SHANK2: variants seen among roughly 807,000 people sequenced by gnomAD.
SHANK2 encodes SH3 and multiple ankyrin repeat domains 2.
A neutral mutation model predicts 133.7 loss-of-function variants in SHANK2; 43 were observed. The observed-to-expected ratio is 0.32, with a 90% CI of 0.25 to 0.41. SHANK2 has a LOEUF of 0.41. Among genes scored for constraint, SHANK2 ranks in the 10% least tolerant of loss-of-function variants. The pLI is 1.00. For synonymous variants in SHANK2, 1,017 were observed against 952.8 expected, an observed-to-expected ratio of 1.07 and a Z score of -1.24; for missense variants, 1,994 against 2,235.8, an observed-to-expected ratio of 0.89 and a Z score of 2.18.
At chr11:70,585,283 C>G (rs1591612695) in intron 17 of SHANK2, among the ~76,000 whole-genome samples, 1 of 152,182 alleles carries the variant, frequency 6.6e-6, no homozygotes, top group African/African-American at 2.4e-5. Flanking sequence ...CAGGGATGAC[C>G]AGTAGAGCCA....
chr11:70,692,287 C>T (rs1483787148), intron 15 of SHANK2, among the ~76,000 whole-genome samples: 1 of 152,220 alleles, frequency 6.6e-6, no homozygotes, highest in Admixed American at 6.5e-5. Context: ...ACACACACTG[C>T]TCACAACTCA....
chr11:71,124,892 C>T (rs1227683056), intron 3 of SHANK2, among the ~76,000 whole-genome samples: 10 of 152,178 alleles, frequency 6.6e-5, no homozygotes, highest in Non-Finnish European at 8.8e-5. Context: ...CAACAGCACA[C>T]GCTCACTTCA....
chr11:71,174,756 G>T (rs2135522481), intron 2 of SHANK2: 1 of 152,382 alleles, frequency 6.6e-6, no homozygotes, highest in East Asian at 1.9e-4. Flanking sequence ...GGGAGGCTGA[G>T]GCAGGAGAAT....
At chr11:71,104,027 G>A (rs1374857404) in intron 6 of SHANK2, among the ~76,000 whole-genome samples, 2 of 151,914 alleles carry the variant, frequency 1.3e-5, no homozygotes, top group Non-Finnish European at 2.9e-5. Context: ...AGAAGCAGAT[G>A]CCACCAGCTT....
intron 17 of SHANK2, among the ~76,000 whole-genome samples, chr11:70,637,491 T>G (rs80344798): frequency 0.042 from 6,442 of 152,056 alleles, 197 homozygotes; most frequent in South Asian, 0.072. Context: ...AGAATCCAGG[T>G]GCCCACAGAG....
At chr11:70,762,087 C>A (rs1404730760) in intron 14 of SHANK2, among the ~76,000 whole-genome samples, 2 of 152,190 alleles carry the variant, frequency 1.3e-5, no homozygotes, top group Admixed American at 6.5e-5. Flanking sequence ...ATTCAGAGAA[C>A]CCCTGACTTC....
intron 17 of SHANK2, among the ~76,000 whole-genome samples, chr11:70,572,099 C>T (rs2060052536): frequency 6.6e-6 from 1 of 152,224 alleles, no homozygotes; most frequent in Non-Finnish European, 1.5e-5. Context: ...AGGCCCTCGC[C>T]AGAATCCGGC....
chr11:71,192,183 A>G (rs926408222), intron 2 of SHANK2, among the ~76,000 whole-genome samples: 3 of 152,174 alleles, frequency 2.0e-5, no homozygotes, highest in African/African-American at 7.2e-5. Flanking sequence ...TCTTATCAGG[A>G]CACCAGTCCT....
chr11:70,702,468 A>G (rs1244601184), intron 14 of SHANK2, among the ~76,000 whole-genome samples: 1 of 151,774 alleles, frequency 6.6e-6, no homozygotes, highest in Non-Finnish European at 1.5e-5. Flanking sequence ...CACTATCATC[A>G]CCACTAATCA....
chr11:70,663,410 A>G (rs1944615726), intron 15 of SHANK2, among the ~76,000 whole-genome samples: 1 of 152,094 alleles, frequency 6.6e-6, no homozygotes, highest in South Asian at 2.1e-4. Context: ...CGGCCCCTCG[A>G]TCCTCCCATT....
At chr11:70,751,256 C>G (rs181921878) in intron 14 of SHANK2, among the ~76,000 whole-genome samples, 2 of 151,928 alleles carry the variant, frequency 1.3e-5, no homozygotes, top group African/African-American at 4.8e-5. Flanking sequence ...AGACTAAAAA[C>G]GAAAAAATAT....
intron 2 of SHANK2, among the ~76,000 whole-genome samples, chr11:71,164,793 C>T (rs1282618441): frequency 6.6e-6 from 1 of 152,294 alleles, no homozygotes; most frequent in East Asian, 1.9e-4. Context: ...ACGCCGGCCT[C>T]AGGCATCTAT....
chr11:71,081,755 G>C (rs2136005134), intron 8 of SHANK2, among the ~76,000 whole-genome samples: 1 of 152,310 alleles, frequency 6.6e-6, no homozygotes, highest in South Asian at 2.1e-4. Context: ...ATATGGAACT[G>C]ACCTCCCAGG....
At chr11:71,120,420 C>T (rs1211262691) in intron 3 of SHANK2, among the ~76,000 whole-genome samples, 1 of 152,140 alleles carries the variant, frequency 6.6e-6, no homozygotes, top group Non-Finnish European at 1.5e-5. Context: ...TGGGTTTGTG[C>T]CCAAGAAAGC....
chr11:70,504,872 T>C lies in SHANK2; in HGVS notation c.2062-1941A>G, dbSNP rs568981952. Among the ~76,000 whole-genome samples, 8 of 152,114 alleles carry C rather than the reference T, an allele frequency of 5.3e-5. No homozygotes were observed. In the South Asian group the frequency reaches 1.7e-3, roughly 32 times the overall value. On this transcript the variant is annotated intron_variant, in intron 17 of 25. Transcript: ENST00000601538. Reference sequence around the variant, plus strand: ...CAGGCAACCGAACACCAGCCACGCGTTATCGGGTTCTCTCCCCTCCCATGA... The same window carrying C: ...CAGGCAACCGAACACCAGCCACGCGCTATCGGGTTCTCTCCCCTCCCATGA...
chr11:70,504,468 A>G (rs1290018066), intron 17 of SHANK2, among the ~76,000 whole-genome samples: 1 of 141,616 alleles, frequency 7.1e-6, no homozygotes. Flanking sequence ...CAGTGGGGCC[A>G]GGGCAGTCCC....
intron 11 of SHANK2, among the ~76,000 whole-genome samples, chr11:70,827,405 AAGAAG>A (rs1430177576): frequency 2.3e-5 from 3 of 128,534 alleles, no homozygotes; most frequent in Non-Finnish European, 4.9e-5. Flanking sequence ...AACCCAACAG[AAGAAG>A]AGAAAAGAGG....
At chr11:70,575,917 C>T (rs2060110088) in intron 17 of SHANK2, among the ~76,000 whole-genome samples, 1 of 151,954 alleles carries the variant, frequency 6.6e-6, no homozygotes, top group East Asian at 1.9e-4. Context: ...GGCAGAATCC[C>T]CTGGGCCGTG....
At chr11:70,562,941 G>A (rs782728135) in intron 17 of SHANK2, among the ~76,000 whole-genome samples, 7 of 152,004 alleles carry the variant, frequency 4.6e-5, no homozygotes, top group Non-Finnish European at 7.4e-5. Context: ...GCACGATCTC[G>A]GCTCACTGCA....
Sources: gnomAD v4.1 joint callset for allele counts (sites outside exome capture counted in the v4.1 genomes callset) on GRCh38, gnomAD v4.1.1 for gene constraint, MANE v1.5 for transcripts, NCBI Gene and HGNC (gene_info 2026-07-23, HGNC 2026-07-21) for gene names.